The following TMEM163 variants were observed in gnomAD, a reference collection of about 807,000 sequenced individuals.
The protein encoded by TMEM163 is transmembrane protein 163.
TMEM163 carries 17 observed loss-of-function variants against 29.3 expected under a neutral mutation model. That is an observed-to-expected ratio of 0.58 (90% CI 0.40 to 0.87). TMEM163 has a LOEUF of 0.87. Among genes scored for constraint, TMEM163 ranks in the 40% least tolerant of loss-of-function variants. The probability of loss-of-function intolerance (pLI) is 0.00; values close to 1 mark genes in which losing one functional copy is unlikely to be tolerated. For missense variants in TMEM163, 303 were observed against 381.5 expected (o/e 0.79, Z 1.71); for synonymous variants, 157 against 160.6 (o/e 0.98, Z 0.17).
chr2:134,487,281 T>C (rs1679337331), intron 5 of TMEM163, among the ~76,000 whole-genome samples: 1 of 152,188 alleles, frequency 6.6e-6, no homozygotes, highest in African/African-American at 2.4e-5. Flanking sequence ...ATGAGAACAA[T>C]ATTCAAGTAT....
chr2:134,599,236 G>A (rs953600341), intron 2 of TMEM163, among the ~76,000 whole-genome samples: 1 of 152,168 alleles, frequency 6.6e-6, no homozygotes, highest in African/African-American at 2.4e-5. Flanking sequence ...TCCTGCCATG[G>A]AAGCCCAGGA....
intron 2 of TMEM163, among the ~76,000 whole-genome samples, chr2:134,568,556 A>AAAAAGG (rs1195399892): frequency 1.3e-5 from 2 of 151,652 alleles, no homozygotes; most frequent in East Asian, 3.9e-4. Context: ...AAAGAAAAAG[A>AAAAAGG]AAGAAAAGAA....
At chr2:134,536,958 T>TA (rs1680555856) in intron 4 of TMEM163, among the ~76,000 whole-genome samples, 1 of 152,308 alleles carries the variant, frequency 6.6e-6, no homozygotes, top group African/African-American at 2.4e-5. Context: ...AAAGACTTAT[T>TA]AATCAGGAAG....
chr2:134,691,543 T>G (rs1244386699), intron 2 of TMEM163, among the ~76,000 whole-genome samples: 2 of 152,212 alleles, frequency 1.3e-5, no homozygotes, highest in Non-Finnish European at 2.9e-5. Context: ...CACACGTGCA[T>G]GTACACATAC....
At chr2:134,477,118 C>G (rs1686934382) in intron 5 of TMEM163, among the ~76,000 whole-genome samples, 1 of 152,134 alleles carries the variant, frequency 6.6e-6, no homozygotes, top group Non-Finnish European at 1.5e-5. Flanking sequence ...CCTGTGAGCT[C>G]TATGTCAGGG....
chr2:134,499,881 C>T (rs1679662894), intron 5 of TMEM163, among the ~76,000 whole-genome samples: 1 of 152,188 alleles, frequency 6.6e-6, no homozygotes, highest in Admixed American at 6.5e-5. Flanking sequence ...ACCCTCACAG[C>T]CTGGTTTCTG....
At chr2:134,662,494 T>A (rs1249692849) in intron 2 of TMEM163, among the ~76,000 whole-genome samples, 2 of 152,194 alleles carry the variant, frequency 1.3e-5, no homozygotes, top group South Asian at 2.1e-4. Context: ...CAATGTTCTG[T>A]TCTTAAGATA....
intron 2 of TMEM163, among the ~76,000 whole-genome samples, chr2:134,563,485 C>T (rs1010306575): frequency 1.3e-5 from 2 of 151,896 alleles, no homozygotes; most frequent in East Asian, 1.9e-4. Context: ...TAGCCACAAA[C>T]GAAGGAAATG....
intron 2 of TMEM163, among the ~76,000 whole-genome samples, chr2:134,648,857 A>G (rs1683399782): frequency 7.9e-5 from 12 of 152,204 alleles, no homozygotes; most frequent in Admixed American, 7.9e-4. Flanking sequence ...TGGGATGTAA[A>G]TGATTCGCTT....
chr2:134,595,393 G>T (rs951862984), intron 2 of TMEM163, among the ~76,000 whole-genome samples: 3 of 152,092 alleles, frequency 2.0e-5, no homozygotes, highest in Middle Eastern at 3.4e-3. Context: ...GCAATAGTTT[G>T]CTGAGAATGA....
chr2:134,563,637 T>C (rs960494503), intron 2 of TMEM163, among the ~76,000 whole-genome samples: 12 of 152,174 alleles, frequency 7.9e-5, no homozygotes, highest in Non-Finnish European at 1.6e-4. Context: ...CTATTAAATA[T>C]ATGAAGAAAC....
chr2:134,612,475 C>T (rs1030057316), intron 2 of TMEM163, among the ~76,000 whole-genome samples: 1 of 151,368 alleles, frequency 6.6e-6, no homozygotes, highest in Non-Finnish European at 1.5e-5. Context: ...TTTAAGCCCT[C>T]ACAAAAGCAA....
intron 2 of TMEM163, among the ~76,000 whole-genome samples, chr2:134,702,280 G>A (rs981105180): frequency 1.3e-5 from 2 of 152,196 alleles, no homozygotes; most frequent in African/African-American, 4.8e-5. Flanking sequence ...GCACCTGGAG[G>A]AAGACAATGC....
chr2:134,532,449 C>A (rs1370748534), intron 4 of TMEM163, among the ~76,000 whole-genome samples: 10 of 152,224 alleles, frequency 6.6e-5, no homozygotes, highest in Admixed American at 6.5e-4. Flanking sequence ...TCTCCCAAGA[C>A]CTTTCATCAG....
intron 4 of TMEM163, among the ~76,000 whole-genome samples, chr2:134,525,467 G>A (rs1680274036): frequency 6.6e-6 from 1 of 152,176 alleles, no homozygotes. Context: ...CTAGATTAAA[G>A]AAGCCCCCAT....
At chr2:134,487,399 C>T (rs1574169725) in intron 5 of TMEM163, among the ~76,000 whole-genome samples, 1 of 151,984 alleles carries the variant, frequency 6.6e-6, no homozygotes. Context: ...AAAATTTCAC[C>T]AAAGGACATA....
At chr2:134,599,967 A>C (rs1161324083) in intron 2 of TMEM163, among the ~76,000 whole-genome samples, 4 of 152,154 alleles carry the variant, frequency 2.6e-5, no homozygotes, top group Admixed American at 1.3e-4. Flanking sequence ...TAGAGTCATC[A>C]AGAACCTCAT....
At chr2:134,636,055 CT>C (rs1657341265) in intron 2 of TMEM163, among the ~76,000 whole-genome samples, 1 of 152,212 alleles carries the variant, frequency 6.6e-6, no homozygotes, top group Admixed American at 6.5e-5. Flanking sequence ...GCCACCCTTC[CT>C]TTCCCTTCCC....
chr2:134,520,220 G>T (rs1020952804), intron 4 of TMEM163, among the ~76,000 whole-genome samples: 1 of 152,176 alleles, frequency 6.6e-6, no homozygotes, highest in Non-Finnish European at 1.5e-5. Flanking sequence ...AAAAATGACT[G>T]ATTTGTCCAT....
Sources: gnomAD v4.1 joint callset for allele counts (sites outside exome capture counted in the v4.1 genomes callset) on GRCh38, gnomAD v4.1.1 for gene constraint, MANE v1.5 for transcripts, NCBI Gene and HGNC (gene_info 2026-07-23, HGNC 2026-07-21) for gene names.